Variants in KSR2 observed in about 807,000 individuals in gnomAD.
KSR2 encodes the protein kinase suppressor of ras 2.
A neutral mutation model predicts 107.8 loss-of-function variants in KSR2; 25 were observed. The observed-to-expected ratio is 0.23, with a 90% CI of 0.17 to 0.32. KSR2 has a LOEUF of 0.32. Ranked by LOEUF, KSR2 falls within the 10% of genes least tolerant of loss-of-function variation. The pLI, the probability that KSR2 is intolerant of heterozygous loss-of-function variation, is 1.00. For missense variants in KSR2, 887 were observed against 1,268.9 expected (o/e 0.70, Z 4.57); for synonymous variants, 480 against 507.0 (o/e 0.95, Z 0.71).
chr12:117,679,030 A>T (rs944510041), intron 4 of KSR2, among the ~76,000 whole-genome samples: 1 of 151,994 alleles, frequency 6.6e-6, no homozygotes, highest in Non-Finnish European at 1.5e-5. Context: ...TAAATTTCCT[A>T]CTTCATGAAG....
chr12:117,966,617 G>GCACACACACACACACA (rs1353712868), intron 1 of KSR2, among the ~76,000 whole-genome samples: 2 of 130,548 alleles, frequency 1.5e-5, no homozygotes, highest in Non-Finnish European at 3.3e-5. Flanking sequence ...TCTCTCACAC[G>GCACACACACACACACA]CGCACGCACA....
intron 4 of KSR2, among the ~76,000 whole-genome samples, chr12:117,682,235 A>C (rs376612294): frequency 1.3e-5 from 2 of 152,122 alleles, no homozygotes; most frequent in African/African-American, 4.8e-5. Flanking sequence ...ATGTAGACAC[A>C]GGGAAGGGAA....
At chr12:117,958,069 G>C (rs560731986) in intron 1 of KSR2, among the ~76,000 whole-genome samples, 11 of 152,160 alleles carry the variant, frequency 7.2e-5, no homozygotes, top group Non-Finnish European at 1.3e-4. Flanking sequence ...CTGGCCTCAA[G>C]TGATCTGCCT....
intron 1 of KSR2, among the ~76,000 whole-genome samples, chr12:117,872,311 C>T (rs1893677518): frequency 6.6e-6 from 1 of 152,142 alleles, no homozygotes; most frequent in Non-Finnish European, 1.5e-5. Flanking sequence ...AAAAATCAAA[C>T]ATTGCTACTC....
At chr12:117,830,110 A>G (rs1403941585) in intron 3 of KSR2, among the ~76,000 whole-genome samples, 1 of 152,070 alleles carries the variant, frequency 6.6e-6, no homozygotes, top group East Asian at 1.9e-4. Context: ...TCTACTAAAA[A>G]TACAAAAATT....
chr12:117,838,821 T>A (rs1362188808), intron 3 of KSR2, among the ~76,000 whole-genome samples: 1 of 152,258 alleles, frequency 6.6e-6, no homozygotes, highest in East Asian at 1.9e-4. Flanking sequence ...ACACTCACTA[T>A]TTCTAGCTTG....
rs1424731571 is a variant in KSR2 at position 117,464,744 on chromosome 12, A to C, written c.*2455T>G. 1 of 152,224 alleles carries C rather than the reference A, an allele frequency of 6.6e-6. No individual in the cohort carries two copies. Among genetic ancestry groups the C allele is most frequent in the Non-Finnish European group, 1.5e-5 (1 of 68,104 alleles). 9.4% of individuals were successfully genotyped at this position (152,224 alleles called of 1,614,324 possible). On this transcript the variant is annotated 3_prime_UTR_variant, in exon 20 of 20. Coordinates refer to ENST00000339824, the MANE Select transcript of KSR2 (RefSeq NM_173598.6). ...TGGGGACAGAGTAGTGAAGTGGGGA[A>C]AGATCGAGAAGTCAAGAGCAAGTGA...
chr12:117,804,449 G>T (rs1272215444), intron 3 of KSR2, among the ~76,000 whole-genome samples: 2 of 152,128 alleles, frequency 1.3e-5, no homozygotes, highest in African/African-American at 4.8e-5. Flanking sequence ...GGTCCTTTAA[G>T]AAAAAGTTAG....
In KSR2 at chr12:117,464,411, G is replaced by A. The variant is rs1292348635; in HGVS notation, c.*2788C>T. On this transcript the variant is annotated 3_prime_UTR_variant, in exon 20 of 20. Coordinates refer to ENST00000339824, the MANE Select transcript of KSR2 (RefSeq NM_173598.6). The stretch of plus-strand genomic sequence containing the variant: ...GACAAGGGCAAACACACAAATCTTG[G>A]TCGTGTCATTGTATAGAATGAGTTG... The A allele has an allele frequency of 6.6e-6, 1 of 152,236 alleles. No homozygotes were observed. Among genetic ancestry groups the A allele is most frequent in the Non-Finnish European group, 1.5e-5 (1 of 68,044 alleles). The allele number at this position is 152,236 out of a possible 1,614,324, so 9.4% of individuals were successfully genotyped here. A position where few individuals can be genotyped will look rare whatever the true frequency, so the allele number is the denominator to read the frequency against.
chr12:117,853,207 C>T (rs1002667296), intron 3 of KSR2, among the ~76,000 whole-genome samples: 2 of 152,060 alleles, frequency 1.3e-5, no homozygotes, highest in South Asian at 2.1e-4. Context: ...TTCACAGCAG[C>T]GTTGCTTATG....
chr12:117,638,307 T>C (rs934706543), intron 5 of KSR2, among the ~76,000 whole-genome samples: 3 of 152,200 alleles, frequency 2.0e-5, no homozygotes, highest in African/African-American at 4.8e-5. Flanking sequence ...GTTAAACTCA[T>C]GTAAGATCAA....
intron 1 of KSR2, among the ~76,000 whole-genome samples, chr12:117,902,527 A>C (rs992644303): frequency 1.3e-5 from 2 of 150,264 alleles, no homozygotes; most frequent in Non-Finnish European, 3.0e-5. Context: ...AATGAGAATT[A>C]CCAGGTAAGT....
chr12:117,788,993 C>G (rs1160721251), intron 3 of KSR2, among the ~76,000 whole-genome samples: 1 of 152,196 alleles, frequency 6.6e-6, no homozygotes, highest in East Asian at 1.9e-4. Context: ...CCCTAAGTTT[C>G]CCATACCTGG....
At chr12:117,949,052 C>T (rs909892910) in intron 1 of KSR2, among the ~76,000 whole-genome samples, 1 of 152,108 alleles carries the variant, frequency 6.6e-6, no homozygotes, top group African/African-American at 2.4e-5. Flanking sequence ...TGAGATTGCA[C>T]CACTGCACTC....
At chr12:117,908,029 C>T (rs968956931) in intron 1 of KSR2, among the ~76,000 whole-genome samples, 2 of 152,014 alleles carry the variant, frequency 1.3e-5, no homozygotes, top group Admixed American at 1.3e-4. Context: ...GAAAAGGAAA[C>T]ATTTGAGGTG....
At chr12:117,798,718 A>AT (rs545976554) in intron 3 of KSR2, among the ~76,000 whole-genome samples, 13,059 of 108,546 alleles carry the variant, frequency 0.12, 652 homozygotes, top group African/African-American at 0.18. Flanking sequence ...CCAAAAAAAA[A>AT]AAATATATAT....
intron 14 of KSR2, among the ~76,000 whole-genome samples, chr12:117,499,284 G>T (rs368524511): frequency 1.3e-5 from 2 of 152,242 alleles, no homozygotes; most frequent in Non-Finnish European, 2.9e-5. Context: ...CACGGTGTTA[G>T]CAGAGCTATC....
At chr12:117,639,663 A>ATTT (rs1883272546) in intron 5 of KSR2, among the ~76,000 whole-genome samples, 1 of 109,770 alleles carries the variant, frequency 9.1e-6, no homozygotes, top group Non-Finnish European at 1.9e-5. Flanking sequence ...TTATTATATT[A>ATTT]TTTTAATATT....
chr12:117,937,645 TG>T (rs1895885648), intron 1 of KSR2, among the ~76,000 whole-genome samples: 1 of 151,862 alleles, frequency 6.6e-6, no homozygotes, highest in Non-Finnish European at 1.5e-5. Context: ...GGAAAATATG[TG>T]GTCCTATCCC....
Sources: gnomAD v4.1 joint callset for allele counts (sites outside exome capture counted in the v4.1 genomes callset) on GRCh38, gnomAD v4.1.1 for gene constraint, MANE v1.5 for transcripts, NCBI Gene and HGNC (gene_info 2026-07-23, HGNC 2026-07-21) for gene names.